Variants in HSF1 observed in about 807,000 individuals in gnomAD.
The protein encoded by HSF1 is heat shock transcription factor 1.
Under a neutral mutation model 51.7 loss-of-function variants are expected in HSF1, and 32 were observed. The observed-to-expected ratio is 0.62, with a 90% confidence interval of 0.47 to 0.83. The LOEUF (loss-of-function observed/expected upper bound fraction) is 0.83, where lower values mean the gene tolerates loss of function less well. HSF1 is among the 40% of genes least tolerant of loss of function. The pLI is 0.00. For missense variants in HSF1, 727 were observed against 717.0 expected, an observed-to-expected ratio of 1.01 and a Z score of -0.16; for synonymous variants, 396 against 309.7, an observed-to-expected ratio of 1.28 and a Z score of -2.92.
chr8:144,311,293 G>C (rs368297915), intron 5 of HSF1, 28 bp from the exon 6 acceptor site: 2 of 1,613,518 alleles, frequency 1.2e-6, no homozygotes, highest in Non-Finnish European at 8.5e-7. Context: ...CACAAGGGCC[G>C]GGGTAACTGT....
chr8:144,308,875 C>A, intron 1 of HSF1, 31 bp from the exon 2 acceptor site: 1 of 1,580,854 alleles, frequency 6.3e-7, no homozygotes, highest in Non-Finnish European at 8.7e-7. Context: ...CTCACCACCA[C>A]GCGTGACCCA....
At position 144,297,666 on chromosome 8, in the gene HSF1, C is replaced by T. The variant is rs546283257; in HGVS notation, c.117+5792C>T. Reference sequence around the variant, plus strand: ...CGTGGGCCACAGCTACTCACACACGCGCTCCCTTTGCTCCTAAAGCCTATA... The same window carrying T: ...CGTGGGCCACAGCTACTCACACACGTGCTCCCTTTGCTCCTAAAGCCTATA... On this transcript the variant is annotated intron_variant, in intron 1 of 12. Transcript: ENST00000528838. The surrounding 1 kb of genome is among the most constrained non-coding windows in gnomAD (Gnocchi z 4.6). Among the ~76,000 whole-genome samples, 8 of 152,146 alleles carry T rather than the reference C, an allele frequency of 5.3e-5. No individual in the cohort carries two copies. The highest frequency in any genetic ancestry group is 7.3e-5 in the Non-Finnish European group (5 of 68,032).
rs531333082 is a variant in HSF1 at position 144,306,825 on chromosome 8, C to A, written c.118-2081C>A. On this transcript the variant is annotated intron_variant, in intron 1 of 12. Transcript: ENST00000528838. ...CGTTCTTTCTTGTTTATGGCCACTG[C>A]CGTCTCTGTTCAGTTAACTGAGATA... Among the ~76,000 whole-genome samples, 288 of 152,340 alleles carry A rather than the reference C, an allele frequency of 1.9e-3. 2 individuals carry two copies. Among genetic ancestry groups the A allele is most frequent in the Non-Finnish European group, 3.6e-3 (245 of 68,038 alleles).
intron 1 of HSF1, among the ~76,000 whole-genome samples, chr8:144,306,356 TA>T (rs782477811): frequency 4.0e-5 from 6 of 151,330 alleles, no homozygotes; most frequent in Non-Finnish European, 8.8e-5. Context: ...TTTTTTTAAC[TA>T]GAGTTTTTTG....
At chr8:144,302,711 A>G (rs1187331048) in intron 1 of HSF1, among the ~76,000 whole-genome samples, 1 of 151,742 alleles carries the variant, frequency 6.6e-6, no homozygotes, top group African/African-American at 2.4e-5. Flanking sequence ...GGGCCCAGCT[A>G]CGCGGGAGGC....
chr8:144,314,266 AC>A lies in HSF1; in HGVS notation c.1530del (p.Thr511ProfsTer5). The A allele has an allele frequency of 6.4e-7, 1 of 1,550,778 alleles. No homozygotes were observed. The highest frequency in any genetic ancestry group is 8.7e-7 in the Non-Finnish European group (1 of 1,147,202). On this transcript the variant is annotated frameshift_variant, in exon 13 of 13. Transcript: ENST00000528838. LOFTEE classifies it high-confidence loss of function. Reference protein sequence around the residue: ...YFSEGDGFAEDPTISLLTGSE... With the variant: ...YFSEGDGFAEXPTISLLTGSE... ...TCCGAAGGGGACGGCTTCGCCGAGG[AC>A]CCCACCATCTCCCTGCTGACAGGCT...
intron 9 of HSF1, among the ~76,000 whole-genome samples, chr8:144,312,448 C>T (rs564844059): frequency 6.6e-6 from 1 of 152,116 alleles, no homozygotes; most frequent in Non-Finnish European, 1.5e-5. Context: ...ACGGGCATGT[C>T]CGGACAGGCT....
At chr8:144,303,186 G>T (rs1473961834) in intron 1 of HSF1, among the ~76,000 whole-genome samples, 1 of 152,010 alleles carries the variant, frequency 6.6e-6, no homozygotes, top group Non-Finnish European at 1.5e-5. Context: ...GTATAGATGG[G>T]GGTCTCGCTA....
chr8:144,298,275 A>G (rs1393420997), intron 1 of HSF1, among the ~76,000 whole-genome samples: 2 of 152,152 alleles, frequency 1.3e-5, no homozygotes, highest in Non-Finnish European at 2.9e-5. Context: ...CCCTTAAGGC[A>G]TAAGAAGCCG....
intron 1 of HSF1, among the ~76,000 whole-genome samples, chr8:144,300,857 C>G (rs1815816917): frequency 6.6e-6 from 1 of 151,732 alleles, no homozygotes; most frequent in South Asian, 2.1e-4. Context: ...CTGTACCACA[C>G]AAAGGCAGGA....
At position 144,309,960 on chromosome 8, in the gene HSF1, G is replaced by A; in HGVS notation, c.488+64G>A. 3 of 1,566,398 alleles carry A rather than the reference G, an allele frequency of 1.9e-6. 1 individual carries two copies. In the South Asian group the frequency reaches 3.5e-5, roughly 18 times the overall value. ...TGGCGCCCACCAAGAGGCCCCGGGT[G>A]CTGTGGGGGCAGGGCCCTGACCGGG... On this transcript the variant is annotated intron_variant, in intron 4 of 12. Transcript: ENST00000528838.
Position 144,313,857 on chromosome 8 carries a change from C to G in HSF1, c.1260C>G (p.Pro420=). 1 of 1,603,980 alleles carries G rather than the reference C, an allele frequency of 6.2e-7. No homozygotes were observed. Among genetic ancestry groups the G allele is most frequent in the Non-Finnish European group, 8.5e-7 (1 of 1,177,816 alleles). The change falls in exon 11 of 13, where the codon CCC becomes CCG. Residue 420 remains proline (P), a synonymous_variant. Coordinates refer to ENST00000528838, the MANE Select transcript of HSF1 (RefSeq NM_005526.4). ...TCCCTCCTCCGCAGCTGTTCAGCCCCTCGGTGACCGTGCCCGACATGAGCC... is the reference window on the plus strand; with the variant it reads ...TCCCTCCTCCGCAGCTGTTCAGCCCGTCGGTGACCGTGCCCGACATGAGCC... The part of the protein sequence containing the change: ...DTSALLDLFS[P]SVTVPDMSLP...
At position 144,308,996 on chromosome 8, in the gene HSF1, G is replaced by A. The variant is rs782015719; in HGVS notation, c.208G>A (p.Val70Met). The A allele has an allele frequency of 1.9e-6, 3 of 1,613,694 alleles. No homozygotes were observed. The highest frequency in any genetic ancestry group is 1.3e-5 in the African/African-American group (1 of 74,946). The change falls in exon 2 of 13, where the codon GTG (valine) becomes ATG (methionine). Residue 70 changes from valine (V) to methionine (M), a missense_variant. By Grantham distance (21) the Val-to-Met change is conservative (BLOSUM62 1). Coordinates refer to ENST00000528838, the MANE Select transcript of HSF1 (RefSeq NM_005526.4). Reference sequence around the variant, plus strand: ...CAAGCACAACAACATGGCCAGCTTCGTGCGGCAGCTCAACATGTGTGAGTG... The same window carrying A: ...CAAGCACAACAACATGGCCAGCTTCATGCGGCAGCTCAACATGTGTGAGTG... ...YFKHNNMASF[V>M]RQLNMYGFRK...
At position 144,312,031 on chromosome 8, in the gene HSF1, T is replaced by A; in HGVS notation, c.929T>A (p.Val310Glu). 1 of 1,604,264 alleles carries A rather than the reference T, an allele frequency of 6.2e-7. No homozygotes were observed. The highest frequency in any genetic ancestry group is 8.5e-7 in the Non-Finnish European group (1 of 1,175,014). Residue 310 changes from valine to glutamate, a missense_variant, in exon 9 of 13, where the codon GTA (valine) becomes GAA (glutamate). Physicochemically the swap from Val to Glu is moderately radical, Grantham distance 121. This residue lies in a region of HSF1 where 470 missense variants were observed against 398.8 expected (regional missense o/e 1.18). Coordinates refer to ENST00000528838, the MANE Select transcript of HSF1 (RefSeq NM_005526.4). ...EPPSPPQSPR[V>E]EEASPGRPSS... ...CCCAGCCCGCCTCAGAGCCCCCGGG[T>A]AGAGGAGGCGAGTCCCGGGCGCCCA...
intron 1 of HSF1, among the ~76,000 whole-genome samples, chr8:144,298,445 A>G (rs1283522875): frequency 1.3e-5 from 2 of 149,836 alleles, no homozygotes; most frequent in African/African-American, 4.9e-5. Flanking sequence ...AAAAATACAA[A>G]AAAAAAAAAA....
rs1320493704 is a variant in HSF1, at chr8:144,309,281, C to T, written c.227-174C>T. The T allele has an allele frequency of 8.5e-6, 7 of 823,944 alleles. No homozygotes were observed. In the East Asian group the frequency reaches 1.6e-4, roughly 18 times the overall value. 51.0% of individuals were successfully genotyped at this position (823,944 alleles called of 1,614,324 possible). On this transcript the variant is annotated intron_variant, in intron 2 of 12. Transcript: ENST00000528838. ...TCGGGCGCAGGGAGCCCTGTGGGGA[C>T]ACAGGGTCTCCCTTAGACCAAGGCC...
intron 1 of HSF1, among the ~76,000 whole-genome samples, chr8:144,295,607 G>T (rs1554841155): frequency 6.6e-6 from 1 of 152,242 alleles, no homozygotes; most frequent in East Asian, 1.9e-4. Context: ...AGGCTGGAGT[G>T]CAGGGCTATG....
chr8:144,299,496 C>T (rs1815713670), intron 1 of HSF1, among the ~76,000 whole-genome samples: 1 of 151,274 alleles, frequency 6.6e-6, no homozygotes, highest in South Asian at 2.1e-4. Flanking sequence ...CAAGCCAAAG[C>T]AGAAAAATGG....
intron 5 of HSF1, 22 bp downstream of exon 5, chr8:144,311,271 C>T (rs1423369825): frequency 6.2e-6 from 10 of 1,605,556 alleles, no homozygotes; most frequent in South Asian, 3.3e-5. Context: ...GCCAGAGGGC[C>T]GGCGGGGGCC....
Sources: allele counts gnomAD v4.1 joint callset (sites outside exome capture counted in the v4.1 genomes callset), GRCh38; gene constraint gnomAD v4.1.1; regional missense constraint gnomAD v4.1.1; non-coding constraint Gnocchi (gnomAD v3.1); transcripts MANE v1.5; gene names NCBI Gene and HGNC (gene_info 2026-07-23, HGNC 2026-07-21).